GABRG3: variants seen among roughly 807,000 people sequenced by gnomAD.
GABRG3 encodes the protein gamma-aminobutyric acid receptor subunit gamma-3.
In GABRG3, 25 loss-of-function variants were observed where a neutral mutation model predicts 48.8. The observed-to-expected ratio is 0.51, with a 90% confidence interval of 0.37 to 0.72. GABRG3 has a LOEUF of 0.72. Ranked by LOEUF, GABRG3 falls within the 30% of genes least tolerant of loss-of-function variation. GABRG3 has a pLI of 0.00. For synonymous variants in GABRG3, 227 were observed against 217.6 expected (o/e 1.04, Z -0.38); for missense variants, 394 against 577.9 (o/e 0.68, Z 3.26).
chr15:27,351,804 ATG>A (rs778131109), intron 5 of GABRG3, among the ~76,000 whole-genome samples: 3 of 137,324 alleles, frequency 2.2e-5, no homozygotes, highest in African/African-American at 5.6e-5. Context: ...TGTATATATG[ATG>A]TGTGTGTTTA....
chr15:27,472,858 T>C (rs1889827359), intron 5 of GABRG3, among the ~76,000 whole-genome samples: 1 of 152,174 alleles, frequency 6.6e-6, no homozygotes, highest in Non-Finnish European at 1.5e-5. Context: ...GCTTAATCAG[T>C]GTTCTTAACA....
chr15:27,056,615 G>A (rs953502636), intron 3 of GABRG3, among the ~76,000 whole-genome samples: 1 of 152,030 alleles, frequency 6.6e-6, no homozygotes, highest in Non-Finnish European at 1.5e-5. Flanking sequence ...AGAAGCCTCC[G>A]CCGGAAGGAG....
chr15:27,017,762 A>G (rs1323344927), intron 2 of GABRG3, among the ~76,000 whole-genome samples: 1 of 152,148 alleles, frequency 6.6e-6, no homozygotes, highest in Non-Finnish European at 1.5e-5. Context: ...TCTGAATTGT[A>G]TTCTAGATTT....
chr15:27,136,189 A>G (rs2080121), intron 3 of GABRG3, among the ~76,000 whole-genome samples: 1 of 152,106 alleles, frequency 6.6e-6, no homozygotes, highest in Admixed American at 6.5e-5. Context: ...ATGCAGTGAT[A>G]AAACATTTTA....
intron 2 of GABRG3, among the ~76,000 whole-genome samples, chr15:27,005,270 G>A (rs998992714): frequency 1.3e-5 from 2 of 151,646 alleles, no homozygotes; most frequent in African/African-American, 4.8e-5. Context: ...GTGCAATCTC[G>A]GCTCACTGCA....
At chr15:27,289,833 G>A (rs918349185) in intron 3 of GABRG3, among the ~76,000 whole-genome samples, 3 of 152,146 alleles carry the variant, frequency 2.0e-5, no homozygotes, top group Non-Finnish European at 4.4e-5. Context: ...AGATGATTAC[G>A]TATAGAAATA....
In GABRG3 at chr15:27,089,427, T is replaced by A. The variant is rs1897147347; in HGVS notation, c.270+62606T>A. Among the ~76,000 whole-genome samples the A allele has an allele frequency of 2.6e-5, 4 of 152,038 alleles. No homozygotes were observed. In the South Asian group the frequency reaches 8.3e-4, roughly 32 times the overall value. Reference sequence around the variant, plus strand: ...AGGCTTCTTGTCCACATTCTAAGTCTAGTCTCTAGGGCAGGCTGGCATTAG... The same window carrying A: ...AGGCTTCTTGTCCACATTCTAAGTCAAGTCTCTAGGGCAGGCTGGCATTAG... On this transcript the variant is annotated intron_variant, in intron 3 of 9. Coordinates refer to ENST00000615808, the MANE Select transcript of GABRG3 (RefSeq NM_033223.5).
chr15:27,130,212 T>G lies in GABRG3; in HGVS notation c.270+103391T>G, dbSNP rs560546398. On this transcript the variant is annotated intron_variant, in intron 3 of 9. Coordinates refer to ENST00000615808, the MANE Select transcript of GABRG3 (RefSeq NM_033223.5). ...GTATATGTAGGTCTTTGTTAAAATTTGAATCAATTTTTGTATGTGGTGTAA... is the reference window on the plus strand; with the variant it reads ...GTATATGTAGGTCTTTGTTAAAATTGGAATCAATTTTTGTATGTGGTGTAA... Among the ~76,000 whole-genome samples, 7 of 152,264 alleles carry G rather than the reference T, an allele frequency of 4.6e-5. No homozygotes were observed. The South Asian group carries it at 1.4e-3, about 32-fold the overall frequency.
intron 5 of GABRG3, among the ~76,000 whole-genome samples, chr15:27,349,315 C>T (rs1269718559): frequency 6.6e-6 from 1 of 152,000 alleles, no homozygotes; most frequent in African/African-American, 2.4e-5. Flanking sequence ...ATATTCCAGG[C>T]TTCTGGCTTG....
At chr15:27,373,157 G>T (rs138874748) in intron 5 of GABRG3, among the ~76,000 whole-genome samples, 1 of 152,170 alleles carries the variant, frequency 6.6e-6, no homozygotes, top group Non-Finnish European at 1.5e-5. Flanking sequence ...TCAGGAAAAG[G>T]TGCCTAATCT....
In GABRG3 at chr15:27,180,188, T is replaced by C. The variant is rs1355189424; in HGVS notation, c.271-146621T>C. On this transcript the variant is annotated intron_variant, in intron 3 of 9. Transcript: ENST00000615808. This position sits in a 1 kb window ranked among gnomAD's most constrained non-coding sequence, Gnocchi z 4.2. ...ATACATAAATTGAGCCTGCCCATAA[T>C]GAACACACACTTTTTCTGAAGGACC... Among the ~76,000 whole-genome samples, 2 of 152,226 alleles carry C rather than the reference T, an allele frequency of 1.3e-5. No homozygotes were observed. Among genetic ancestry groups the C allele is most frequent in the South Asian group, 2.1e-4 (1 of 4,818 alleles).
At chr15:27,222,961 G>C (rs1422696981) in intron 3 of GABRG3, among the ~76,000 whole-genome samples, 3 of 152,144 alleles carry the variant, frequency 2.0e-5, no homozygotes, top group African/African-American at 7.2e-5. Flanking sequence ...CAACTTTCAA[G>C]CATAAGAGAT....
At chr15:27,223,737 C>CA (rs2140442429) in intron 3 of GABRG3, among the ~76,000 whole-genome samples, 1 of 152,268 alleles carries the variant, frequency 6.6e-6, no homozygotes, top group East Asian at 1.9e-4. Flanking sequence ...ACTTCACACT[C>CA]ACTGTGCTCT....
intron 3 of GABRG3, among the ~76,000 whole-genome samples, chr15:27,030,365 A>G (rs1404253313): frequency 6.6e-6 from 1 of 152,148 alleles, no homozygotes; most frequent in Non-Finnish European, 1.5e-5. Flanking sequence ...TGCCTCAGCC[A>G]TTCCTTCTGT....
intron 5 of GABRG3, among the ~76,000 whole-genome samples, chr15:27,417,687 C>T (rs898310070): frequency 2.0e-5 from 3 of 152,190 alleles, no homozygotes; most frequent in African/African-American, 7.2e-5. Flanking sequence ...GGGTCTCTAC[C>T]TCTGTCATTT....
chr15:27,170,071 C>T (rs982724859), intron 3 of GABRG3, among the ~76,000 whole-genome samples: 18 of 152,182 alleles, frequency 1.2e-4, no homozygotes, highest in African/African-American at 4.3e-4. Flanking sequence ...AAGAAACAGT[C>T]AAACTTCTTC....
In GABRG3 at chr15:27,236,356, C is replaced by T. The variant is rs1319561999; in HGVS notation, c.271-90453C>T. On this transcript the variant is annotated intron_variant, in intron 3 of 9. Transcript: ENST00000615808. The surrounding 1 kb of genome is among the most constrained non-coding windows in gnomAD (Gnocchi z 4.4). ...AAGCATCAAATGCTAAGGTCCCCAG[C>T]CCACTGAATGGACCCCCTGACCCAC... Among the ~76,000 whole-genome samples the T allele has an allele frequency of 6.6e-6, 1 of 152,150 alleles. No individual in the cohort carries two copies. The highest frequency in any genetic ancestry group is 1.9e-4 in the East Asian group (1 of 5,176).
chr15:27,370,620 A>G (rs886064977), intron 5 of GABRG3, among the ~76,000 whole-genome samples: 11 of 152,180 alleles, frequency 7.2e-5, no homozygotes, highest in African/African-American at 2.7e-4. Context: ...TCAGAGGAGG[A>G]GTAGGTTCCT....
In GABRG3 at chr15:27,540,649, C is replaced by T. The variant is rs369430110; in HGVS notation, c.*7768C>T. 1 of 152,206 alleles carries T rather than the reference C, an allele frequency of 6.6e-6. No individual in the cohort carries two copies. The highest frequency in any genetic ancestry group is 1.9e-4 in the East Asian group (1 of 5,196). 9.4% of individuals were successfully genotyped at this position (152,206 alleles called of 1,614,324 possible). ...TGTGCTAGTGAACCAAGTTTACCTG[C>T]TCACACGTTTGTACAACTACACAAT... is the stretch of plus-strand genomic sequence containing the variant. On this transcript the variant is annotated 3_prime_UTR_variant, in exon 10 of 10. Transcript: ENST00000615808.
Sources: gnomAD v4.1 joint callset for allele counts (sites outside exome capture counted in the v4.1 genomes callset) on GRCh38, gnomAD v4.1.1 for gene constraint, Gnocchi (gnomAD v3.1) non-coding constraint, MANE v1.5 for transcripts, NCBI Gene and HGNC (gene_info 2026-07-23, HGNC 2026-07-21) for gene names.